The following C3orf18 variants were observed in gnomAD, a reference collection of about 807,000 sequenced individuals.
C3orf18 encodes the protein uncharacterized protein C3orf18.
Under a neutral mutation model 14.1 loss-of-function variants are expected in C3orf18, and 12 were observed. The ratio of observed to expected loss-of-function variants is 0.85; its 90% confidence interval spans 0.55 to 1.38. The LOEUF is 1.38. Ranked by LOEUF, C3orf18 falls within the 40% of genes most tolerant of loss-of-function variation. The probability of loss-of-function intolerance (pLI) is 0.00; values close to 1 mark genes in which losing one functional copy is unlikely to be tolerated. For missense variants in C3orf18, 196 were observed against 213.9 expected, an observed-to-expected ratio of 0.92 and a Z score of 0.52; for synonymous variants, 82 against 87.9, an observed-to-expected ratio of 0.93 and a Z score of 0.38.
Position 50,565,267 on chromosome 3 carries a change from T to C in C3orf18, c.234+199A>G. On this transcript the variant is annotated intron_variant, in intron 3 of 5. Coordinates refer to ENST00000357203, the MANE Select transcript of C3orf18 (RefSeq NM_016210.5). The surrounding 1 kb of genome is among the most constrained non-coding windows in gnomAD (Gnocchi z 4.4). ...CTGTAATCCCAGCTACTTGGGAGGC[T>C]GAGGCAGGAGACTCGATTAAGCCCC... The C allele has an allele frequency of 1.8e-6, 1 of 566,334 alleles. No homozygotes were observed. Among genetic ancestry groups the C allele is most frequent in the Admixed American group, 3.1e-5 (1 of 31,900 alleles). The allele number at this position is 566,334 out of a possible 1,614,324, so 35.1% of individuals were successfully genotyped here. A position where few individuals can be genotyped will look rare whatever the true frequency, so the allele number is the denominator to read the frequency against.
Position 50,559,267 on chromosome 3 carries a change from G to A in C3orf18, c.*390C>T. 3.2e-6 allele frequency: 4 copies of A among 1,251,018 alleles called. No homozygotes were observed. Among genetic ancestry groups the A allele is most frequent in the Non-Finnish European group, 4.1e-6 (4 of 974,558 alleles). 77.5% of individuals were successfully genotyped at this position (1,251,018 alleles called of 1,614,324 possible). On this transcript the variant is annotated 3_prime_UTR_variant, in exon 6 of 6. Transcript: ENST00000357203. ...CCAAAAAACAGGTCTCTCCCTAACA[G>A]AGGGAAACCTCCCCTTTCCTCCCCC...
chr3:50,560,812 C>G, intron 5 of C3orf18, 105 bp downstream of exon 5: 1 of 1,267,738 alleles, frequency 7.9e-7, no homozygotes, highest in Non-Finnish European at 1.1e-6. Context: ...TACCTGCCAT[C>G]TGACCACAAG....
chr3:50,564,534 G>A (rs1438112985), intron 3 of C3orf18, among the ~76,000 whole-genome samples: 1 of 152,092 alleles, frequency 6.6e-6, no homozygotes, highest in Non-Finnish European at 1.5e-5. Context: ...CACCTAGTCT[G>A]GAAAGCATTC....
intron 3 of C3orf18, among the ~76,000 whole-genome samples, chr3:50,563,652 G>T (rs1700120120): frequency 6.6e-6 from 1 of 152,146 alleles, no homozygotes; most frequent in Non-Finnish European, 1.5e-5. Context: ...CCCTGCTTGA[G>T]GCTGGCATCG....
chr3:50,572,010 A>G, upstream of C3orf18: 2 of 1,554,392 alleles, frequency 1.3e-6, no homozygotes, highest in South Asian at 1.2e-5. Context: ...CCCTGGAGAC[A>G]TGGTCTTGCC....
chr3:50,561,787 G>A (rs756268255), intron 3 of C3orf18, 40 bp from the exon 4 acceptor site: 1 of 1,612,100 alleles, frequency 6.2e-7, no homozygotes, highest in South Asian at 1.1e-5. Context: ...AAGGAGAGGA[G>A]GCCCTGAGGA....
At chr3:50,560,456 C>T (rs957763677) in intron 5 of C3orf18, among the ~76,000 whole-genome samples, 8 of 152,194 alleles carry the variant, frequency 5.3e-5, no homozygotes, top group African/African-American at 1.7e-4. Flanking sequence ...TCAGAGGTAC[C>T]GCTGTCCAAG....
chr3:50,565,237 C>T lies in C3orf18; in HGVS notation c.234+229G>A. On this transcript the variant is annotated intron_variant, in intron 3 of 5. Transcript: ENST00000357203. This position sits in a 1 kb window ranked among gnomAD's most constrained non-coding sequence, Gnocchi z 4.4. ...CAAAAATTAGCCGGGCGTGGCAGCT[C>T]ACACCTGTAATCCCAGCTACTTGGG... 1.9e-6 allele frequency: 1 copy of T among 528,454 alleles called. No homozygotes were observed. The highest frequency in any genetic ancestry group is 3.4e-6 in the Non-Finnish European group (1 of 294,940). 32.7% of individuals were successfully genotyped at this position (528,454 alleles called of 1,614,324 possible).
chr3:50,569,801 G>A (rs1700702149), upstream of C3orf18: 2 of 152,256 alleles, frequency 1.3e-5, no homozygotes, highest in Admixed American at 1.3e-4. Context: ...TCTGGAGTCT[G>A]GTGGACTCGG....
chr3:50,570,885 G>A (rs1359279769), upstream of C3orf18: 1 of 450,694 alleles, frequency 2.2e-6, no homozygotes, highest in Non-Finnish European at 3.9e-6. Context: ...AGAAGGGGGG[G>A]TGTCATACAA....
upstream of C3orf18, among the ~76,000 whole-genome samples, chr3:50,568,521 G>A (rs767887645): frequency 6.6e-6 from 1 of 152,118 alleles, no homozygotes; most frequent in Non-Finnish European, 1.5e-5. Context: ...GAAGTCAGGA[G>A]TTCGAGACCA....
chr3:50,565,574 G>GGT lies in C3orf18; in HGVS notation c.124_125dup (p.Thr43ProfsTer30). On this transcript the variant is annotated frameshift_variant, in exon 3 of 6. Coordinates refer to ENST00000357203, the MANE Select transcript of C3orf18 (RefSeq NM_016210.5). LOFTEE classifies it high-confidence loss of function. This position sits in a 1 kb window ranked among gnomAD's most constrained non-coding sequence, Gnocchi z 4.4. ...CAGGGATTCTGGTGTCATTAAAGGT[G>GGT]GTGGCCTCTGGGCTGAGGGTAGTGG... The GGT allele has an allele frequency of 6.2e-7, 1 of 1,614,030 alleles. No homozygotes were observed. The highest frequency in any genetic ancestry group is 8.5e-7 in the Non-Finnish European group (1 of 1,180,010).
Position 50,565,880 on chromosome 3 carries a change from G to A in C3orf18, c.-162-19C>T. 1.7e-6 allele frequency: 1 copy of A among 597,012 alleles called. No homozygotes were observed. Among genetic ancestry groups the A allele is most frequent in the Non-Finnish European group, 3.0e-6 (1 of 335,120 alleles). 37.0% of individuals were successfully genotyped at this position (597,012 alleles called of 1,614,324 possible). On this transcript the variant is annotated intron_variant, in intron 2 of 5. Transcript: ENST00000357203. The surrounding 1 kb of genome is among the most constrained non-coding windows in gnomAD (Gnocchi z 4.4). The stretch of plus-strand genomic sequence containing the variant: ...CTGGGTGCTAGAAAGGAAAGAATAA[G>A]AAACATGAGGCTAAGGACAGGGGCT...
upstream of C3orf18, chr3:50,570,867 G>A (rs1209488112): frequency 2.3e-6 from 1 of 437,632 alleles, no homozygotes; most frequent in Non-Finnish European, 4.1e-6. Flanking sequence ...CTCAGGCAAT[G>A]TATTGGTAGA....
At chr3:50,562,573 T>G (rs1162148827) in intron 3 of C3orf18, 1 of 455,928 alleles carries the variant, frequency 2.2e-6, no homozygotes, top group South Asian at 1.6e-5. Context: ...CTGGGCAACA[T>G]ACTGACACCC....
At chr3:50,572,318 C>A, upstream of C3orf18, 1 of 1,106,168 alleles carries the variant, frequency 9.0e-7, no homozygotes, top group Non-Finnish European at 1.3e-6. Context: ...ACTTCAGGGA[C>A]AGTGCCTTTC....
upstream of C3orf18, chr3:50,571,176 G>A: frequency 6.2e-7 from 1 of 1,613,784 alleles, no homozygotes; most frequent in Non-Finnish European, 8.5e-7. Flanking sequence ...CCCGGGGCTG[G>A]GCCTTCAGCT....
chr3:50,558,616 G>A lies in C3orf18; in HGVS notation c.*1041C>T, dbSNP rs1441715521. On this transcript the variant is annotated 3_prime_UTR_variant, in exon 6 of 6. Transcript: ENST00000357203. Reference sequence around the variant, plus strand: ...AACTGCCCCCTCTAGCCTGCAGCCTGTGATTACTGCCCTCAGACCAACAGC... The same window carrying A: ...AACTGCCCCCTCTAGCCTGCAGCCTATGATTACTGCCCTCAGACCAACAGC... The A allele has an allele frequency of 2.7e-6, 3 of 1,127,594 alleles. No individual in the cohort carries two copies. The highest frequency in any genetic ancestry group is 3.5e-6 in the Non-Finnish European group (3 of 866,130). The allele number at this position is 1,127,594 out of a possible 1,614,324, so 69.8% of individuals were successfully genotyped here. A position where few individuals can be genotyped will look rare whatever the true frequency, so the allele number is the denominator to read the frequency against.
At chr3:50,566,733 G>A (rs1700326445) in intron 1 of C3orf18, among the ~76,000 whole-genome samples, 1 of 152,188 alleles carries the variant, frequency 6.6e-6, no homozygotes, top group Non-Finnish European at 1.5e-5. Flanking sequence ...ACCAACAATA[G>A]AGGGGCTGCT....
Sources: gnomAD v4.1 joint callset for allele counts (sites outside exome capture counted in the v4.1 genomes callset) on GRCh38, gnomAD v4.1.1 for gene constraint, Gnocchi (gnomAD v3.1) non-coding constraint, MANE v1.5 for transcripts, NCBI Gene and HGNC (gene_info 2026-07-23, HGNC 2026-07-21) for gene names.